The following NXPE3 variants were observed in gnomAD, a reference collection of about 807,000 sequenced individuals.
NXPE3 encodes NXPE family member 3.
NXPE3 carries 26 observed loss-of-function variants against 46.1 expected under a neutral mutation model. The observed-to-expected ratio is 0.56, with a 90% CI of 0.41 to 0.78. NXPE3 has a LOEUF of 0.78. Ranked by LOEUF, NXPE3 falls within the 30% of genes least tolerant of loss-of-function variation. The probability of loss-of-function intolerance (pLI) is 0.00; values close to 1 mark genes in which losing one functional copy is unlikely to be tolerated. For synonymous variants in NXPE3, 272 were observed against 257.9 expected, an observed-to-expected ratio of 1.05 and a Z score of -0.52; for missense variants, 620 against 686.0, an observed-to-expected ratio of 0.90 and a Z score of 1.07.
chr3:101,788,028 A>G (rs377569947), intron 4 of NXPE3, among the ~76,000 whole-genome samples: 5 of 152,134 alleles, frequency 3.3e-5, no homozygotes, highest in African/African-American at 9.7e-5. Flanking sequence ...AAGGGTTCCA[A>G]TTTCTTTGCA....
At chr3:101,811,142 T>C (rs1941689393) in intron 6 of NXPE3, among the ~76,000 whole-genome samples, 1 of 152,128 alleles carries the variant, frequency 6.6e-6, no homozygotes, top group East Asian at 1.9e-4. Flanking sequence ...TTTGAAGGCT[T>C]TTCTCCAGAG....
At chr3:101,802,208 C>G (rs917693569) in intron 5 of NXPE3, among the ~76,000 whole-genome samples, 3 of 152,040 alleles carry the variant, frequency 2.0e-5, no homozygotes, top group African/African-American at 7.2e-5. Flanking sequence ...AAATTAAAGA[C>G]CTTTTACCCT....
At chr3:101,788,250 T>G (rs1053551646) in intron 4 of NXPE3, among the ~76,000 whole-genome samples, 4 of 152,224 alleles carry the variant, frequency 2.6e-5, no homozygotes, top group African/African-American at 9.6e-5. Context: ...TGTTGAGTTG[T>G]AGGAGTTCTT....
chr3:101,821,335 A>G, intron 7 of NXPE3, 69 bp from the exon 8 acceptor site: 10 of 1,363,262 alleles, frequency 7.3e-6, no homozygotes, highest in Non-Finnish European at 1.0e-5. Context: ...AAGCCACTTA[A>G]TAAGGTATAA....
At chr3:101,784,123 T>G (rs1939998196) in intron 3 of NXPE3, among the ~76,000 whole-genome samples, 1 of 152,202 alleles carries the variant, frequency 6.6e-6, no homozygotes, top group East Asian at 1.9e-4. Context: ...CATAGATTGT[T>G]GAATCATTGT....
intron 7 of NXPE3, among the ~76,000 whole-genome samples, chr3:101,819,505 C>T (rs1314414885): frequency 2.0e-5 from 3 of 152,170 alleles, no homozygotes; most frequent in Admixed American, 2.0e-4. Flanking sequence ...TTTTCATCTA[C>T]AGGGTAAAAT....
chr3:101,801,146 A>G (rs1457509470), intron 4 of NXPE3, 89 bp from the exon 5 acceptor site: 1 of 1,373,370 alleles, frequency 7.3e-7, no homozygotes, highest in African/African-American at 1.5e-5. Context: ...GCTAAAACTC[A>G]CAGAAGTGTG....
intron 7 of NXPE3, among the ~76,000 whole-genome samples, chr3:101,820,115 C>T (rs1243278489): frequency 2.6e-5 from 4 of 152,010 alleles, no homozygotes; most frequent in Non-Finnish European, 4.4e-5. Flanking sequence ...GATATGTGCT[C>T]ATAAAACAGA....
intron 3 of NXPE3, among the ~76,000 whole-genome samples, chr3:101,784,236 C>T (rs1171975221): frequency 1.3e-5 from 2 of 151,880 alleles, no homozygotes; most frequent in Non-Finnish European, 2.9e-5. Flanking sequence ...AAAATACAGT[C>T]ATAATTGGTA....
intron 4 of NXPE3, among the ~76,000 whole-genome samples, chr3:101,788,760 C>T (rs1421404551): frequency 2.0e-5 from 3 of 152,056 alleles, no homozygotes; most frequent in Non-Finnish European, 2.9e-5. Context: ...GGATTACAGG[C>T]GTCTGCCACC....
intron 4 of NXPE3, 50 bp from the exon 5 acceptor site, chr3:101,801,185 C>T (rs1178453125): frequency 1.3e-6 from 2 of 1,527,558 alleles, no homozygotes; most frequent in Non-Finnish European, 1.8e-6. Context: ...TGCCAAAATA[C>T]AGAGACCTAT....
At chr3:101,790,187 G>A (rs182984166) in intron 4 of NXPE3, among the ~76,000 whole-genome samples, 1 of 152,292 alleles carries the variant, frequency 6.6e-6, no homozygotes, top group East Asian at 1.9e-4. Flanking sequence ...TACTGGAAAG[G>A]AATGCATTCT....
chr3:101,825,014 C>T lies in NXPE3; in HGVS notation c.*3060C>T, dbSNP rs1264057218. 6.6e-6 allele frequency: 1 copy of T among 152,040 alleles called. No individual in the cohort carries two copies. Among genetic ancestry groups the T allele is most frequent in the African/African-American group, 2.4e-5 (1 of 41,398 alleles). The allele number at this position is 152,040 out of a possible 1,614,324, so 9.4% of individuals were successfully genotyped here. On this transcript the variant is annotated 3_prime_UTR_variant, in exon 8 of 8. Coordinates refer to ENST00000273347, the MANE Select transcript of NXPE3 (RefSeq NM_145037.4). ...CTTAAAAAAATTTTTTTTTTAACAA[C>T]TTTTAAGTTCAGGGGTACATGTGCC...
intron 4 of NXPE3, among the ~76,000 whole-genome samples, chr3:101,798,208 C>A (rs954866393): frequency 2.6e-5 from 4 of 151,970 alleles, no homozygotes; most frequent in African/African-American, 4.8e-5. Context: ...TGTTTTTTGG[C>A]TTATTAAGCT....
intron 4 of NXPE3, 43 bp downstream of exon 4, chr3:101,785,732 CTG>C: frequency 6.7e-7 from 1 of 1,494,856 alleles, no homozygotes. Context: ...GGAGCCGAGT[CTG>C]GGGATCTGGG....
chr3:101,787,338 G>A (rs553343604), intron 4 of NXPE3, among the ~76,000 whole-genome samples: 16 of 152,114 alleles, frequency 1.1e-4, no homozygotes, highest in Non-Finnish European at 2.4e-4. Context: ...ACAGAGTCTC[G>A]CTCTGTTGCC....
rs1207555893 is a variant in NXPE3, at chr3:101,784,510, T to C, written c.-195-892T>C. On this transcript the variant is annotated intron_variant, in intron 3 of 7. Transcript: ENST00000273347. ...AACACAAAGTGGAGGGGAGAGTTGA[T>C]GCAGCTGAGTTATTCTGAGATACTC... Among the ~76,000 whole-genome samples the C allele has an allele frequency of 2.6e-5, 4 of 152,232 alleles. No individual in the cohort carries two copies. In the East Asian group the frequency reaches 7.7e-4, roughly 29 times the overall value.
At chr3:101,787,397 C>T (rs1940253550) in intron 4 of NXPE3, among the ~76,000 whole-genome samples, 1 of 152,194 alleles carries the variant, frequency 6.6e-6, no homozygotes, top group African/African-American at 2.4e-5. Context: ...ACCTCTGCCT[C>T]CTGGGTTCAA....
In NXPE3 at chr3:101,808,842, T is replaced by TACAC. The variant is rs1553803039; in HGVS notation, c.922+1717_922+1718insCACA. Among the ~76,000 whole-genome samples the TACAC allele has an allele frequency of 1.7e-4, 10 of 59,958 alleles. 1 individual carries two copies. Among genetic ancestry groups the TACAC allele is most frequent in the African/African-American group, 5.1e-4 (8 of 15,648 alleles). 39.3% of individuals were successfully genotyped at this position (59,958 alleles called of 152,430 possible). On this transcript the variant is annotated intron_variant, in intron 6 of 7. Coordinates refer to ENST00000273347, the MANE Select transcript of NXPE3 (RefSeq NM_145037.4). ...GGATATATATATATATATATATATA[T>TACAC]ATATATATATATATGAGACATTTAT...
Sources: gnomAD v4.1 joint callset for allele counts (sites outside exome capture counted in the v4.1 genomes callset) on GRCh38, gnomAD v4.1.1 for gene constraint, MANE v1.5 for transcripts, NCBI Gene and HGNC (gene_info 2026-07-23, HGNC 2026-07-21) for gene names.